KDM2B: variants seen among roughly 807,000 people sequenced by gnomAD.
KDM2B encodes lysine-specific demethylase 2B.
Under a neutral mutation model 150.0 loss-of-function variants are expected in KDM2B, and 26 were observed. The observed-to-expected ratio is 0.17, with a 90% CI of 0.13 to 0.24. The LOEUF (loss-of-function observed/expected upper bound fraction) is 0.24, where lower values mean the gene tolerates loss of function less well. Among genes scored for constraint, KDM2B ranks in the 10% least tolerant of loss-of-function variants. The pLI, the probability that KDM2B is intolerant of heterozygous loss-of-function variation, is 1.00. For synonymous variants in KDM2B, 734 were observed against 729.5 expected, an observed-to-expected ratio of 1.01 and a Z score of -0.10; for missense variants, 1,265 against 1,816.9, an observed-to-expected ratio of 0.70 and a Z score of 5.52.
chr12:121,469,141 C>T (rs1474679239), intron 12 of KDM2B: 7 of 151,642 alleles, frequency 4.6e-5, no homozygotes, highest in African/African-American at 1.7e-4. Context: ...AGTGATCCAC[C>T]CACCTCAGCC....
chr12:121,433,249 G>C (rs1329782161), intron 22 of KDM2B: 4 of 455,194 alleles, frequency 8.8e-6, no homozygotes, highest in Non-Finnish European at 1.8e-5. Flanking sequence ...GTGCGTTAGA[G>C]TTCACTGCAG....
chr12:121,487,942 C>T (rs1252870204), intron 12 of KDM2B, among the ~76,000 whole-genome samples: 3 of 151,908 alleles, frequency 2.0e-5, no homozygotes, highest in East Asian at 1.9e-4. Flanking sequence ...CCACCATGCC[C>T]GGCTAATTTT....
At chr12:121,444,408 C>A in intron 15 of KDM2B, 42 bp downstream of exon 15, 1 of 1,611,748 alleles carries the variant, frequency 6.2e-7, no homozygotes, top group South Asian at 1.1e-5. Context: ...CCAGGCCCGC[C>A]CCTCTCCCGA....
chr12:121,476,239 G>C (rs1274617904), intron 12 of KDM2B, among the ~76,000 whole-genome samples: 1 of 151,916 alleles, frequency 6.6e-6, no homozygotes, highest in Non-Finnish European at 1.5e-5. Flanking sequence ...AGGTTGCAGT[G>C]AGCCAAGATT....
intron 4 of KDM2B, among the ~76,000 whole-genome samples, chr12:121,573,119 C>T (rs1403995310): frequency 7.0e-6 from 1 of 143,824 alleles, no homozygotes; most frequent in South Asian, 2.2e-4. Context: ...CCACTGTGCC[C>T]GGCCTAATTT....
At chr12:121,573,793 T>C (rs1455044653) in intron 4 of KDM2B, among the ~76,000 whole-genome samples, 3 of 151,352 alleles carry the variant, frequency 2.0e-5, no homozygotes, top group Admixed American at 2.0e-4. Context: ...TTCACTGTGT[T>C]AGCCAGGATG....
At chr12:121,500,295 C>A (rs1467554219) in intron 11 of KDM2B, among the ~76,000 whole-genome samples, 1 of 152,104 alleles carries the variant, frequency 6.6e-6, no homozygotes, top group East Asian at 1.9e-4. Context: ...CCAGCTCAGC[C>A]CCCTAAGGGT....
rs1874945126 is a variant in KDM2B at position 121,441,107 on chromosome 12, G to A, written c.3411C>T (p.Ser1137=). The A allele has an allele frequency of 1.9e-6, 3 of 1,614,088 alleles. No individual in the cohort carries two copies. The highest frequency in any genetic ancestry group is 2.2e-5 in the South Asian group (2 of 91,096). ...VSLDLSWTNI[S]KKQLSWLINR... is the part of the protein sequence containing the mutation. ...TGATGAGCCAGCTCAGCTGCTTCTT[G>A]GAGATATTGGTCCAGCTGAGGTCGA... The change falls in exon 20 of 23, where the codon TCC becomes TCT. Residue 1137 remains serine (S), a synonymous_variant. Coordinates refer to ENST00000377071, the MANE Select transcript of KDM2B (RefSeq NM_032590.5).
intron 12 of KDM2B, among the ~76,000 whole-genome samples, chr12:121,482,641 G>A (rs551813909): frequency 3.9e-5 from 6 of 152,202 alleles, no homozygotes; most frequent in East Asian, 1.9e-4. Flanking sequence ...AACATCTGGC[G>A]GGGACTGGGA....
At position 121,442,141 on chromosome 12, in the gene KDM2B, ACAGGCCGCCG is replaced by A. The variant is rs1555288426; in HGVS notation, c.3284+6_3284+15del. 7 of 1,611,744 alleles carry A rather than the reference ACAGGCCGCCG, an allele frequency of 4.3e-6. No homozygotes were observed. Among genetic ancestry groups the A allele is most frequent in the Non-Finnish European group, 5.9e-6 (7 of 1,178,642 alleles). On this transcript the variant is annotated splice_donor_region_variant and intron_variant, in intron 19 of 22. Coordinates refer to ENST00000377071, the MANE Select transcript of KDM2B (RefSeq NM_032590.5). The surrounding 1 kb of genome is among the most constrained non-coding windows in gnomAD (Gnocchi z 7.7). ...CCTGAGCCTTAACCTAGAGCCCTAC[ACAGGCCGCCG>A]CTCACCAGCGGTTCCAGGTCCTGCA...
chr12:121,454,566 T>G (rs1185997546), intron 12 of KDM2B, among the ~76,000 whole-genome samples: 1 of 152,248 alleles, frequency 6.6e-6, no homozygotes, highest in East Asian at 1.9e-4. Context: ...ACCTGGGACC[T>G]GTAGTGGGAG....
intron 8 of KDM2B, among the ~76,000 whole-genome samples, chr12:121,530,735 C>T (rs1479448430): frequency 1.3e-5 from 2 of 152,172 alleles, no homozygotes; most frequent in East Asian, 1.9e-4. Flanking sequence ...GCCACGCCCA[C>T]ACCCCTGCTG....
Position 121,520,308 on chromosome 12 carries a change from C to A in KDM2B, c.1047+677G>T, listed in dbSNP as rs1886576159. The stretch of plus-strand genomic sequence containing the variant: ...CAGGCCACTTGTCCTTTTCAGGGGA[C>A]ACTTGTGGAGCGAAGGACACACATC... On this transcript the variant is annotated intron_variant, in intron 9 of 22. Transcript: ENST00000377071. This position sits in a 1 kb window ranked among gnomAD's most constrained non-coding sequence, Gnocchi z 4.5. Among the ~76,000 whole-genome samples, 1 of 152,126 alleles carries A rather than the reference C, an allele frequency of 6.6e-6. No individual in the cohort carries two copies.
At position 121,510,051 on chromosome 12, in the gene KDM2B, G is replaced by C; in HGVS notation, c.1175-12C>G. The C allele has an allele frequency of 6.5e-7, 1 of 1,528,826 alleles. No individual in the cohort carries two copies. The highest frequency in any genetic ancestry group is 1.4e-5 in the African/African-American group (1 of 72,362). 94.7% of individuals were successfully genotyped at this position (1,528,826 alleles called of 1,614,324 possible). The stretch of plus-strand genomic sequence containing the variant: ...CTTCCTCGGGGCATCTGTGGGGGCA[G>C]GGTCACAAGAAAGACCGAGATGACA... On this transcript the variant is annotated splice_polypyrimidine_tract_variant and intron_variant, in intron 10 of 22. Transcript: ENST00000377071.
At chr12:121,492,871 T>C (rs1476927181) in intron 12 of KDM2B, among the ~76,000 whole-genome samples, 6 of 151,428 alleles carry the variant, frequency 4.0e-5, no homozygotes, top group Admixed American at 6.6e-5. Flanking sequence ...GTGTTTGAAA[T>C]CTGTTACAGC....
In KDM2B at chr12:121,527,514, C is replaced by A. The variant is rs1346232675; in HGVS notation, c.931+5292G>T. Reference sequence around the variant, plus strand: ...AAAAATACAAAAAAAGTTAGCCGGGCATGGTGGCAGGCGCCTGTAGTCCCA... The same window carrying A: ...AAAAATACAAAAAAAGTTAGCCGGGAATGGTGGCAGGCGCCTGTAGTCCCA... On this transcript the variant is annotated intron_variant, in intron 8 of 22. Transcript: ENST00000377071. Among the ~76,000 whole-genome samples the A allele has an allele frequency of 2.0e-5, 3 of 150,514 alleles. No homozygotes were observed. The East Asian group carries it at 6.0e-4, about 30-fold the overall frequency.
In KDM2B at chr12:121,549,442, C is replaced by CA; in HGVS notation, c.576+17_576+18insT. The CA allele has an allele frequency of 6.4e-7, 1 of 1,567,862 alleles. No homozygotes were observed. ...AGGTGGAAGGTATCTGGGGAGGGTACCTGGGCCCCGGACCTACCACAGTCG... is the reference window on the plus strand; with the variant it reads ...AGGTGGAAGGTATCTGGGGAGGGTACACTGGGCCCCGGACCTACCACAGTCG... On this transcript the variant is annotated intron_variant, in intron 5 of 22. Coordinates refer to ENST00000377071, the MANE Select transcript of KDM2B (RefSeq NM_032590.5). The surrounding 1 kb of genome is among the most constrained non-coding windows in gnomAD (Gnocchi z 4.4).
At chr12:121,479,591 C>G (rs1555297503) in intron 12 of KDM2B, among the ~76,000 whole-genome samples, 1 of 152,016 alleles carries the variant, frequency 6.6e-6, no homozygotes, top group Non-Finnish European at 1.5e-5. Context: ...TGCACTGAAG[C>G]CTGGGCGACA....
the KDM2B span, chr12:121,423,735 AC>A: frequency 1.5e-6 from 1 of 669,124 alleles, no homozygotes; most frequent in East Asian, 2.9e-5. The surrounding 1 kb of genome is among the most constrained non-coding windows in gnomAD (Gnocchi z 4.3). Flanking sequence ...AGTTGTGGAA[AC>A]ATTGGTCCAT....
Sources: allele counts gnomAD v4.1 joint callset (sites outside exome capture counted in the v4.1 genomes callset), GRCh38; gene constraint gnomAD v4.1.1; non-coding constraint Gnocchi (gnomAD v3.1); transcripts MANE v1.5; gene names NCBI Gene and HGNC (gene_info 2026-07-23, HGNC 2026-07-21).